Variants in NCK1 observed in about 807,000 individuals in gnomAD.
NCK1 encodes NCK adaptor protein 1.
A neutral mutation model predicts 36.6 loss-of-function variants in NCK1; 19 were observed. That is an observed-to-expected ratio of 0.52 (90% CI 0.36 to 0.76). NCK1 has a LOEUF of 0.76. Among genes scored for constraint, NCK1 ranks in the 30% least tolerant of loss-of-function variants. The pLI, the probability that NCK1 is intolerant of heterozygous loss-of-function variation, is 0.00. For missense variants in NCK1, 358 were observed against 445.6 expected, an observed-to-expected ratio of 0.80 and a Z score of 1.77; for synonymous variants, 165 against 156.0, an observed-to-expected ratio of 1.06 and a Z score of -0.43.
At position 136,880,627 on chromosome 3, in the gene NCK1, CTTTGTTTG is replaced by C. The variant is rs541296182; in HGVS notation, c.-19+18282_-19+18289del. ...TCTTGAACTTAAGACAATCAACAAACTTTGTTTGTTTGTTTTTTTGAGGCAGGTTCTTG... is the reference window on the plus strand; with the variant it reads ...TCTTGAACTTAAGACAATCAACAAACTTTGTTTTTTTGAGGCAGGTTCTTG... On this transcript the variant is annotated intron_variant, in intron 1 of 3. Coordinates refer to ENST00000481752, the MANE Select transcript of NCK1 (RefSeq NM_001291999.2). Among the ~76,000 whole-genome samples the C allele has an allele frequency of 2.0e-5, 3 of 152,100 alleles. No homozygotes were observed. The South Asian group carries it at 6.2e-4, about 32-fold the overall frequency.
At chr3:136,887,859 A>C (rs1303267600) in intron 1 of NCK1, among the ~76,000 whole-genome samples, 1 of 152,164 alleles carries the variant, frequency 6.6e-6, no homozygotes, top group Non-Finnish European at 1.5e-5. Context: ...TAAATGACAG[A>C]GCAAGAATTC....
At chr3:136,928,473 T>C in intron 2 of NCK1, 1 of 455,924 alleles carries the variant, frequency 2.2e-6, no homozygotes, top group South Asian at 3.5e-5. Flanking sequence ...TAGAACTAAC[T>C]CTCACCTTCT....
At chr3:136,911,688 C>G (rs959403701) in intron 1 of NCK1, among the ~76,000 whole-genome samples, 4 of 152,188 alleles carry the variant, frequency 2.6e-5, no homozygotes, top group Admixed American at 2.6e-4. Context: ...TGTGTGCTGT[C>G]TCTTCGCTTT....
chr3:136,930,070 A>C (rs2108132087), intron 2 of NCK1, among the ~76,000 whole-genome samples: 1 of 152,278 alleles, frequency 6.6e-6, no homozygotes, highest in African/African-American at 2.4e-5. Flanking sequence ...ATCTGTAGTT[A>C]ACCTGTAAAG....
rs35463509 is a variant in NCK1 at position 136,882,547 on chromosome 3, CTGTGTGTGTGTGTG to C, written c.-19+20224_-19+20237del. 2.1e-4 allele frequency among the ~76,000 whole-genome samples: 30 copies of C among 143,492 alleles called. 1 individual carries two copies. The South Asian group carries it at 2.5e-3, about 12-fold the overall frequency. The allele number at this position is 143,492 out of a possible 152,430, so 94.1% of individuals were successfully genotyped here. ...AAGTTTACATTACTTTCCCACATCA[CTGTGTGTGTGTGTG>C]TGTGTGTGTGTGTGTGTGTGTGTGT... On this transcript the variant is annotated intron_variant, in intron 1 of 3. Coordinates refer to ENST00000481752, the MANE Select transcript of NCK1 (RefSeq NM_001291999.2).
At chr3:136,939,862 TAAAATAGAGACAGGGTC>T (rs1940625985) in intron 2 of NCK1, among the ~76,000 whole-genome samples, 1 of 19,406 alleles carries the variant, frequency 5.2e-5, no homozygotes. Context: ...TTTTTTTTTT[TAAAATAGAGACAGGGTC>T]TCTCTTTGTT....
At chr3:136,867,916 T>C (rs1303981837) in intron 1 of NCK1, among the ~76,000 whole-genome samples, 1 of 94,246 alleles carries the variant, frequency 1.1e-5, no homozygotes. Context: ...ATATTTACAT[T>C]GTAAATTTTT....
intron 1 of NCK1, among the ~76,000 whole-genome samples, chr3:136,901,190 T>G (rs1158428467): frequency 6.6e-6 from 1 of 152,142 alleles, no homozygotes; most frequent in African/African-American, 2.4e-5. Context: ...TTTATTCTGT[T>G]GAGGTTATGA....
In NCK1 at chr3:136,927,843, A is replaced by AAT. The variant is rs1204145323; in HGVS notation, c.-18-141_-18-140insAT. 404 of 664,182 alleles carry AAT rather than the reference A, an allele frequency of 6.1e-4. 2 individuals carry two copies. The highest frequency in any genetic ancestry group is 8.2e-5 in the Non-Finnish European group (32 of 390,710). The allele number at this position is 664,182 out of a possible 1,614,324, so 41.1% of individuals were successfully genotyped here. ...CATACAGTCACAGTCTCTTTAAATT[A>AAT]CTATTTGCCTCATGTATTTTTTTCC... On this transcript the variant is annotated intron_variant, in intron 1 of 3. Transcript: ENST00000481752.
chr3:136,927,764 C>G (rs1330070331), intron 1 of NCK1, among the ~76,000 whole-genome samples: 1 of 152,218 alleles, frequency 6.6e-6, no homozygotes, highest in Non-Finnish European at 1.5e-5. Context: ...AGTGATCTGC[C>G]TGCCTTGGCC....
intron 1 of NCK1, among the ~76,000 whole-genome samples, chr3:136,884,693 G>T (rs899507013): frequency 1.3e-5 from 2 of 150,924 alleles, no homozygotes; most frequent in African/African-American, 4.9e-5. Flanking sequence ...CTCCCAAAGT[G>T]CAGGCTTGAG....
At chr3:136,918,264 A>G (rs1275730684) in intron 1 of NCK1, among the ~76,000 whole-genome samples, 1 of 152,172 alleles carries the variant, frequency 6.6e-6, no homozygotes, top group Non-Finnish European at 1.5e-5. Context: ...ATTAAGATAA[A>G]TGAAGATACA....
chr3:136,916,742 TAAAAC>T (rs1160634201), intron 1 of NCK1, among the ~76,000 whole-genome samples: 1 of 152,024 alleles, frequency 6.6e-6, no homozygotes, highest in East Asian at 1.9e-4. Context: ...ACTTAGAAAA[TAAAAC>T]AGTTTGTTTA....
intron 1 of NCK1, among the ~76,000 whole-genome samples, chr3:136,923,204 C>G (rs1174110660): frequency 6.6e-6 from 1 of 151,684 alleles, no homozygotes; most frequent in East Asian, 1.9e-4. Context: ...ATATATTTTT[C>G]TTGAATACTT....
At chr3:136,884,743 G>A (rs1436440151) in intron 1 of NCK1, among the ~76,000 whole-genome samples, 3 of 145,596 alleles carry the variant, frequency 2.1e-5, no homozygotes, top group Non-Finnish European at 4.5e-5. Flanking sequence ...TTTTTTGAGA[G>A]GGAGTCTCAC....
intron 1 of NCK1, among the ~76,000 whole-genome samples, chr3:136,874,040 G>A (rs986223548): frequency 6.6e-6 from 1 of 152,174 alleles, no homozygotes; most frequent in Admixed American, 6.5e-5. Context: ...GTAGAGTGCA[G>A]CAGTAGTTCC....
At chr3:136,877,939 TG>T (rs1205737637) in intron 1 of NCK1, among the ~76,000 whole-genome samples, 2 of 152,096 alleles carry the variant, frequency 1.3e-5, no homozygotes, top group African/African-American at 2.4e-5. Flanking sequence ...AGCTGATAAA[TG>T]GTTACATGTA....
At chr3:136,917,688 G>A (rs1324084897) in intron 1 of NCK1, among the ~76,000 whole-genome samples, 1 of 152,204 alleles carries the variant, frequency 6.6e-6, no homozygotes, top group African/African-American at 2.4e-5. Flanking sequence ...ACCTAGGTCA[G>A]TTCTCTCTCC....
chr3:136,936,830 T>C (rs13315318), intron 2 of NCK1, among the ~76,000 whole-genome samples: 103,649 of 152,076 alleles, frequency 0.68, 35,614 homozygotes, highest in East Asian at 0.87. Flanking sequence ...GTAGTTGTTT[T>C]TGTTGTTGGG....
Sources: gnomAD v4.1 joint callset for allele counts (sites outside exome capture counted in the v4.1 genomes callset) on GRCh38, gnomAD v4.1.1 for gene constraint, MANE v1.5 for transcripts, NCBI Gene and HGNC (gene_info 2026-07-23, HGNC 2026-07-21) for gene names.